The following NPFFR2 variants were observed in gnomAD, a reference collection of about 807,000 sequenced individuals.
NPFFR2 encodes G-protein coupled receptor 74.
NPFFR2 carries 15 observed loss-of-function variants against 13.1 expected under a neutral mutation model. That is an observed-to-expected ratio of 1.15 (90% CI 0.77 to 1.76). The LOEUF (loss-of-function observed/expected upper bound fraction) is 1.76. NPFFR2 is among the 40% of genes most tolerant of loss of function. The pLI is 0.00. For missense variants in NPFFR2, 572 were observed against 503.5 expected, an observed-to-expected ratio of 1.14 and a Z score of -1.30; for synonymous variants, 190 against 175.7, an observed-to-expected ratio of 1.08 and a Z score of -0.65.
chr4:72,073,877 T>C (rs190061770), intron 1 of NPFFR2, among the ~76,000 whole-genome samples: 1 of 151,850 alleles, frequency 6.6e-6, no homozygotes, highest in African/African-American at 2.4e-5. Context: ...CTAAAGAGTA[T>C]ACTCTAAAGG....
At chr4:72,043,012 G>A (rs1461176243) in intron 1 of NPFFR2, among the ~76,000 whole-genome samples, 1 of 152,194 alleles carries the variant, frequency 6.6e-6, no homozygotes, top group Non-Finnish European at 1.5e-5. Flanking sequence ...CTTAGGCCAA[G>A]TCCAGGCCCC....
intron 1 of NPFFR2, among the ~76,000 whole-genome samples, chr4:72,056,922 AAG>A (rs1719765028): frequency 6.6e-6 from 1 of 152,056 alleles, no homozygotes; most frequent in East Asian, 1.9e-4. Context: ...TGGATAAGCA[AAG>A]AGAGTGGTTT....
intron 1 of NPFFR2, 125 bp from the exon 2 acceptor site, chr4:72,128,460 A>T (rs1037099295): frequency 1.7e-5 from 10 of 585,986 alleles, no homozygotes; most frequent in Admixed American, 6.7e-5. Flanking sequence ...AAACTTATAG[A>T]TTATTATAGA....
Position 72,039,321 on chromosome 4 carries a change from G to A in NPFFR2, c.-8+7121G>A, listed in dbSNP as rs1235867938. ...GATCCACCCACCTCGGCCTCCCAAA[G>A]TGCTGGGATTACAGGCGTGAGCCAC... On this transcript the variant is annotated intron_variant, in intron 1 of 3. Coordinates refer to ENST00000308744, the MANE Select transcript of NPFFR2 (RefSeq NM_004885.3). The A allele has an allele frequency of 4.4e-6, 3 of 674,174 alleles. No individual in the cohort carries two copies. The African/African-American group carries it at 5.9e-5, about 13-fold the overall frequency. The allele number at this position is 674,174 out of a possible 1,614,324, so 41.8% of individuals were successfully genotyped here.
chr4:72,143,287 T>G (rs762875423), intron 3 of NPFFR2, among the ~76,000 whole-genome samples: 2 of 152,176 alleles, frequency 1.3e-5, no homozygotes, highest in Non-Finnish European at 2.9e-5. Context: ...GCCTGTAAAT[T>G]GGAGACCTCA....
intron 1 of NPFFR2, among the ~76,000 whole-genome samples, chr4:72,062,907 A>G (rs1719962009): frequency 6.6e-6 from 1 of 151,340 alleles, no homozygotes; most frequent in Admixed American, 6.6e-5. Context: ...AACCAAGCCC[A>G]CTTCATATTA....
rs560412856 is a variant in NPFFR2, at chr4:72,100,349, A to C, written c.-7-28236A>C. 3.0e-3 allele frequency among the ~76,000 whole-genome samples: 450 copies of C among 152,244 alleles called. 2 individuals carry two copies. The highest frequency in any genetic ancestry group is 0.011 in the African/African-American group (442 of 41,576). On this transcript the variant is annotated intron_variant, in intron 1 of 3. Coordinates refer to ENST00000308744, the MANE Select transcript of NPFFR2 (RefSeq NM_004885.3). ...GCTCTGTTGCTTAATTTCTGTGTGA[A>C]TATGTATAAGCTACTTAATCTTCCT...
intron 1 of NPFFR2, among the ~76,000 whole-genome samples, chr4:72,051,578 G>A (rs74546005): frequency 0.89 from 132,692 of 148,924 alleles, 60,237 homozygotes; most frequent in Non-Finnish European, 0.98. Context: ...CGTCACAATT[G>A]AAAGAACTAG....
intron 3 of NPFFR2, among the ~76,000 whole-genome samples, chr4:72,141,682 A>C (rs908616389): frequency 1.3e-5 from 2 of 152,014 alleles, no homozygotes; most frequent in African/African-American, 4.8e-5. Flanking sequence ...ACTTCCAACT[A>C]TGTGGTCAGT....
intron 1 of NPFFR2, among the ~76,000 whole-genome samples, chr4:72,067,877 C>T (rs557700502): frequency 3.2e-4 from 49 of 152,304 alleles, no homozygotes; most frequent in South Asian, 4.1e-4. Context: ...GAATAGTCTT[C>T]GCTAACCATG....
chr4:72,054,204 C>T (rs1719674029), intron 1 of NPFFR2, among the ~76,000 whole-genome samples: 1 of 151,604 alleles, frequency 6.6e-6, no homozygotes, highest in South Asian at 2.1e-4. Flanking sequence ...TTTAAATGAA[C>T]AAGTTTAATT....
intron 2 of NPFFR2, 55 bp downstream of exon 2, chr4:72,128,974 C>A: frequency 7.3e-7 from 1 of 1,362,296 alleles, no homozygotes; most frequent in Non-Finnish European, 1.0e-6. Flanking sequence ...TCCCATATTT[C>A]AGCAGCCATT....
chr4:72,060,323 A>G lies in NPFFR2; in HGVS notation c.-8+28123A>G, dbSNP rs191208355. ...GCAGTTAAGTGTCTGTCTGTCCAGG[A>G]TTCCATAATAGCTATTGTAATCAAG... On this transcript the variant is annotated intron_variant, in intron 1 of 3. Transcript: ENST00000308744. Among the ~76,000 whole-genome samples the G allele has an allele frequency of 9.2e-5, 14 of 152,204 alleles. No individual in the cohort carries two copies. The East Asian group carries it at 2.7e-3, about 29-fold the overall frequency.
rs114597878 is a variant in NPFFR2 at position 72,106,721 on chromosome 4, A to G, written c.-7-21864A>G. The stretch of plus-strand genomic sequence containing the variant: ...TGAAGATACTGCAGAGTAAGTCAGG[A>G]AAGAGAAAAGAAGCCAACGGGGCAT... On this transcript the variant is annotated intron_variant, in intron 1 of 3. Coordinates refer to ENST00000308744, the MANE Select transcript of NPFFR2 (RefSeq NM_004885.3). Among the ~76,000 whole-genome samples the G allele has an allele frequency of 2.8e-3, 421 of 152,146 alleles. 1 individual carries two copies. The highest frequency in any genetic ancestry group is 9.6e-3 in the African/African-American group (398 of 41,540).
At chr4:72,102,969 C>G (rs1243523028) in intron 1 of NPFFR2, among the ~76,000 whole-genome samples, 3 of 152,100 alleles carry the variant, frequency 2.0e-5, no homozygotes, top group Non-Finnish European at 4.4e-5. Context: ...AATGGTTGAA[C>G]TAGTTTACAG....
In NPFFR2 at chr4:72,070,839, A is replaced by G. The variant is rs142932195; in HGVS notation, c.-8+38639A>G. 8.0e-3 allele frequency among the ~76,000 whole-genome samples: 1,216 copies of G among 152,232 alleles called. 8 individuals are homozygous for G. The highest frequency in any genetic ancestry group is 0.017 in the African/African-American group (704 of 41,538). Reference sequence around the variant, plus strand: ...TGCATAGCAATAGGTTTAATGATTGAAAACGTATTGTATACTTGTAATGAA... The same window carrying G: ...TGCATAGCAATAGGTTTAATGATTGGAAACGTATTGTATACTTGTAATGAA... On this transcript the variant is annotated intron_variant, in intron 1 of 3. Coordinates refer to ENST00000308744, the MANE Select transcript of NPFFR2 (RefSeq NM_004885.3).
At chr4:72,125,379 A>G (rs1722010032) in intron 1 of NPFFR2, among the ~76,000 whole-genome samples, 2 of 152,016 alleles carry the variant, frequency 1.3e-5, no homozygotes, top group African/African-American at 4.8e-5. Context: ...CAACCTCTCA[A>G]CTATGTATAT....
intron 1 of NPFFR2, among the ~76,000 whole-genome samples, chr4:72,042,158 T>C (rs775078136): frequency 3.9e-5 from 6 of 152,146 alleles, no homozygotes; most frequent in Non-Finnish European, 5.9e-5. Flanking sequence ...GATAGTGAGT[T>C]CTCATGAGAT....
rs1448042518 is a variant in NPFFR2 at position 72,148,224 on chromosome 4, A to T, written c.*412A>T. 1.3e-5 allele frequency among the ~76,000 whole-genome samples: 2 copies of T among 152,236 alleles called. No individual in the cohort carries two copies. The highest frequency in any genetic ancestry group is 2.9e-5 in the Non-Finnish European group (2 of 68,030). The stretch of plus-strand genomic sequence containing the variant: ...TTTCTCCTTTGATTTTGGATTTAAA[A>T]TTTTAGATTACAAGACTATTACTCT... On this transcript the variant is annotated 3_prime_UTR_variant, in exon 4 of 4. Coordinates refer to ENST00000308744, the MANE Select transcript of NPFFR2 (RefSeq NM_004885.3).
Sources: gnomAD v4.1 joint callset for allele counts (sites outside exome capture counted in the v4.1 genomes callset) on GRCh38, gnomAD v4.1.1 for gene constraint, MANE v1.5 for transcripts, NCBI Gene and HGNC (gene_info 2026-07-23, HGNC 2026-07-21) for gene names.